Variants in CMSS1 observed in about 807,000 individuals in gnomAD.
CMSS1 encodes the protein protein CMSS1.
CMSS1 carries 33 observed loss-of-function variants against 43.5 expected under a neutral mutation model. The observed-to-expected ratio is 0.76, with a 90% CI of 0.57 to 1.01. The LOEUF is 1.01. CMSS1 is among the 50% of genes least tolerant of loss of function. The pLI is 0.00. For missense variants in CMSS1, 313 were observed against 326.4 expected, an observed-to-expected ratio of 0.96 and a Z score of 0.32; for synonymous variants, 115 against 117.2, an observed-to-expected ratio of 0.98 and a Z score of 0.12.
intron 1 of CMSS1, among the ~76,000 whole-genome samples, chr3:100,099,002 T>C (rs564421334): frequency 1.3e-5 from 2 of 152,334 alleles, no homozygotes; most frequent in Non-Finnish European, 2.9e-5. Flanking sequence ...CAGCAGGTTT[T>C]TGCTTTCCTG....
At chr3:100,152,779 T>A (rs369599166) in intron 2 of CMSS1, among the ~76,000 whole-genome samples, 1 of 152,312 alleles carries the variant, frequency 6.6e-6, no homozygotes. Context: ...CAGAAAACTG[T>A]ATTGCTAAAC....
intron 1 of CMSS1, among the ~76,000 whole-genome samples, chr3:99,919,297 T>C (rs1484579061): frequency 6.6e-6 from 1 of 151,724 alleles, no homozygotes; most frequent in East Asian, 1.9e-4. Context: ...CATGAACTCA[T>C]AATGCCTTAG....
At chr3:100,094,674 C>CTTTTTTT in intron 1 of CMSS1, among the ~76,000 whole-genome samples, 1 of 57,014 alleles carries the variant, frequency 1.8e-5, no homozygotes, top group African/African-American at 6.7e-5. Context: ...GAAAAGCTGC[C>CTTTTTTT]TTTTTTTTTT....
intron 1 of CMSS1, among the ~76,000 whole-genome samples, chr3:99,947,598 T>C (rs892421344): frequency 6.6e-6 from 1 of 152,200 alleles, no homozygotes; most frequent in Non-Finnish European, 1.5e-5. Context: ...GAAAAATATC[T>C]GTTCGTTGTT....
In CMSS1 at chr3:100,180,611, A is replaced by T. The variant is rs1342486131; in HGVS notation, c.*2223A>T. The T allele has an allele frequency of 6.6e-6, 1 of 152,398 alleles. No homozygotes were observed. Among genetic ancestry groups the T allele is most frequent in the African/African-American group, 2.4e-5 (1 of 41,438 alleles). 9.4% of individuals were successfully genotyped at this position (152,398 alleles called of 1,614,324 possible). On this transcript the variant is annotated 3_prime_UTR_variant, in exon 10 of 10. Coordinates refer to ENST00000421999, the MANE Select transcript of CMSS1 (RefSeq NM_032359.4). The stretch of plus-strand genomic sequence containing the variant: ...GATAAGTTCCTCATCTCCATTTGAG[A>T]CCACCTCAGCCTGGACTTCATTGTC...
intron 1 of CMSS1, among the ~76,000 whole-genome samples, chr3:99,892,059 G>C (rs905720754): frequency 1.1e-4 from 17 of 152,322 alleles, no homozygotes; most frequent in Non-Finnish European, 1.9e-4. Flanking sequence ...CTGATGTAAA[G>C]AGGGATGGTC....
chr3:100,114,989 A>G (rs1456212059), intron 1 of CMSS1: 2 of 1,525,560 alleles, frequency 1.3e-6, no homozygotes, highest in South Asian at 1.2e-5. Flanking sequence ...CAACATCGGA[A>G]TGCATGGTGG....
intron 1 of CMSS1, among the ~76,000 whole-genome samples, chr3:99,997,357 A>G (rs914272513): frequency 2.6e-5 from 4 of 152,226 alleles, no homozygotes; most frequent in Non-Finnish European, 5.9e-5. Context: ...TAGAAAACCT[A>G]GAGGAAATGG....
chr3:99,850,510 A>G (rs1943627117), intron 1 of CMSS1: 1 of 1,612,910 alleles, frequency 6.2e-7, no homozygotes, highest in Non-Finnish European at 8.5e-7. Context: ...CATTTTTATG[A>G]GCTCTTCATC....
chr3:99,990,478 C>T (rs1465450405), intron 1 of CMSS1, among the ~76,000 whole-genome samples: 1 of 152,226 alleles, frequency 6.6e-6, no homozygotes, highest in Non-Finnish European at 1.5e-5. Flanking sequence ...ATTACACCTT[C>T]TCTCAACTTA....
intron 1 of CMSS1, among the ~76,000 whole-genome samples, chr3:100,012,233 C>G (rs564852858): frequency 6.6e-6 from 1 of 152,084 alleles, no homozygotes; most frequent in South Asian, 2.1e-4. Flanking sequence ...TGTTTTATAT[C>G]TTTATACTAG....
In CMSS1 at chr3:100,147,156, T is replaced by C. The variant is rs1184699301; in HGVS notation, c.153+95T>C. The C allele has an allele frequency of 2.2e-6, 3 of 1,344,502 alleles. No homozygotes were observed. In the African/African-American group the frequency reaches 4.3e-5, roughly 19 times the overall value. The allele number at this position is 1,344,502 out of a possible 1,614,324, so 83.3% of individuals were successfully genotyped here. ...ACTCCCCATGTCCTAATATCGGTTG[T>C]TGGTGGGATTTAAGAGAGCCTTTTA... On this transcript the variant is annotated intron_variant, in intron 2 of 9. Coordinates refer to ENST00000421999, the MANE Select transcript of CMSS1 (RefSeq NM_032359.4).
intron 1 of CMSS1, among the ~76,000 whole-genome samples, chr3:100,077,366 A>G (rs2065866342): frequency 6.6e-6 from 1 of 152,234 alleles, no homozygotes; most frequent in Non-Finnish European, 1.5e-5. Flanking sequence ...GTATGTTTGT[A>G]CTTCACTGAG....
At chr3:100,097,693 C>T (rs2066235078) in intron 1 of CMSS1, among the ~76,000 whole-genome samples, 1 of 152,144 alleles carries the variant, frequency 6.6e-6, no homozygotes, top group Non-Finnish European at 1.5e-5. Flanking sequence ...AGGTTATTTT[C>T]AGCACCATTA....
chr3:100,117,831 A>ATG (rs2066585467), intron 1 of CMSS1, among the ~76,000 whole-genome samples: 1 of 89,652 alleles, frequency 1.1e-5, no homozygotes, highest in East Asian at 2.9e-4. Context: ...TGCAGTATAT[A>ATG]TATATATATA....
chr3:100,123,074 A>G (rs1479610608), intron 1 of CMSS1, among the ~76,000 whole-genome samples: 1 of 152,252 alleles, frequency 6.6e-6, no homozygotes, highest in Non-Finnish European at 1.5e-5. Flanking sequence ...TATGGGAAGG[A>G]TCAAATAAAA....
At chr3:99,951,393 C>T (rs1398111106) in intron 1 of CMSS1, among the ~76,000 whole-genome samples, 2 of 152,090 alleles carry the variant, frequency 1.3e-5, no homozygotes, top group African/African-American at 4.8e-5. Flanking sequence ...TGTTTGCTCA[C>T]GGATACCTTG....
Position 100,181,048 on chromosome 3 carries a change from TAAACA to T in CMSS1, c.*2662_*2666del, listed in dbSNP as rs2067181642. The stretch of plus-strand genomic sequence containing the variant: ...TGAAGGGGGAAGTGCTATACACTTT[TAAACA>T]ATCAGATCTCTTGAGAACTCACTAT... On this transcript the variant is annotated 3_prime_UTR_variant, in exon 10 of 10. Transcript: ENST00000421999. 1 of 152,152 alleles carries T rather than the reference TAAACA, an allele frequency of 6.6e-6. No individual in the cohort carries two copies. Among genetic ancestry groups the T allele is most frequent in the Non-Finnish European group, 1.5e-5 (1 of 68,032 alleles). The allele number at this position is 152,152 out of a possible 1,614,324, so 9.4% of individuals were successfully genotyped here. A position where few individuals can be genotyped will look rare whatever the true frequency, so the allele number is the denominator to read the frequency against.
chr3:99,939,426 C>T (rs916411561), intron 1 of CMSS1, among the ~76,000 whole-genome samples: 1 of 152,188 alleles, frequency 6.6e-6, no homozygotes, highest in African/African-American at 2.4e-5. Flanking sequence ...ATGAAACACT[C>T]AGTTTCTTTA....
Sources: gnomAD v4.1 joint callset for allele counts (sites outside exome capture counted in the v4.1 genomes callset) on GRCh38, gnomAD v4.1.1 for gene constraint, MANE v1.5 for transcripts, NCBI Gene and HGNC (gene_info 2026-07-23, HGNC 2026-07-21) for gene names.